The following MGST1 variants were observed in gnomAD, a reference collection of about 807,000 sequenced individuals.
The protein encoded by MGST1 is glutathione S-transferase 12.
In MGST1, 5 loss-of-function variants were observed where a neutral mutation model predicts 8.9. The observed-to-expected ratio is 0.56, with a 90% confidence interval of 0.29 to 1.19. MGST1 has a LOEUF of 1.19. Among genes scored for constraint, MGST1 ranks in the 50% most tolerant of loss-of-function variants. MGST1 has a pLI of 0.08. For missense variants in MGST1, 182 were observed against 187.4 expected (o/e 0.97, Z 0.17); for synonymous variants, 54 against 67.8 (o/e 0.80, Z 1.00).
chr12:16,457,204 T>TAATGCA (rs1326205821), intron 4 of MGST1, among the ~76,000 whole-genome samples: 20 of 151,994 alleles, frequency 1.3e-4, no homozygotes, highest in Admixed American at 5.9e-4. Context: ...TGCATACTTA[T>TAATGCA]TAAATATTTA....
chr12:16,360,334 C>G lies in MGST1; in HGVS notation c.221+2635C>G, dbSNP rs925178792. 4 of 984,776 alleles carry G rather than the reference C, an allele frequency of 4.1e-6. No homozygotes were observed. In the African/African-American group the frequency reaches 7.0e-5, roughly 17 times the overall value. The allele number at this position is 984,776 out of a possible 1,614,324, so 61.0% of individuals were successfully genotyped here. A position where few individuals can be genotyped will look rare whatever the true frequency, so the allele number is the denominator to read the frequency against. On this transcript the variant is annotated intron_variant, in intron 3 of 3. Transcript: ENST00000396210. Reference sequence around the variant, plus strand: ...AGCTGTTACGATTAGCATATTTGAACGGCAGAGCCAGAATGGGGCTACAAA... The same window carrying G: ...AGCTGTTACGATTAGCATATTTGAAGGGCAGAGCCAGAATGGGGCTACAAA...
intron 1 of MGST1, among the ~76,000 whole-genome samples, chr12:16,428,315 A>C (rs973033234): frequency 2.6e-5 from 4 of 151,910 alleles, no homozygotes; most frequent in Admixed American, 1.3e-4. Context: ...CAAATTGATC[A>C]CAGTGTTTTC....
At chr12:16,372,381 C>G (rs73064103) in intron 3 of MGST1, among the ~76,000 whole-genome samples, 1 of 151,920 alleles carries the variant, frequency 6.6e-6, no homozygotes, top group African/African-American at 2.4e-5. Flanking sequence ...TCTGAATAGA[C>G]GTTCTCAAAA....
At chr12:16,453,815 A>G (rs1941148830) in intron 4 of MGST1, among the ~76,000 whole-genome samples, 1 of 151,836 alleles carries the variant, frequency 6.6e-6, no homozygotes. Flanking sequence ...CTATCTACAA[A>G]TTCCCTCCTT....
downstream of MGST1, among the ~76,000 whole-genome samples, chr12:16,439,288 A>T (rs1941017996): frequency 6.6e-6 from 1 of 151,810 alleles, no homozygotes; most frequent in Non-Finnish European, 1.5e-5. Context: ...TAATTAATGT[A>T]ATATTGTTTT....
At chr12:16,420,513 A>G (rs1265493745) in intron 1 of MGST1, among the ~76,000 whole-genome samples, 1 of 152,154 alleles carries the variant, frequency 6.6e-6, no homozygotes, top group Non-Finnish European at 1.5e-5. Flanking sequence ...CAGGAGGTTT[A>G]TTGGCAAGTG....
At chr12:16,534,516 G>A (rs1367244193) in intron 4 of MGST1, among the ~76,000 whole-genome samples, 1 of 152,140 alleles carries the variant, frequency 6.6e-6, no homozygotes, top group Admixed American at 6.5e-5. Flanking sequence ...GATGGCACAT[G>A]AAACACGGGG....
At chr12:16,489,558 T>C (rs1203478712) in intron 4 of MGST1, among the ~76,000 whole-genome samples, 1 of 152,148 alleles carries the variant, frequency 6.6e-6, no homozygotes, top group Non-Finnish European at 1.5e-5. Flanking sequence ...GGGCAGAAAT[T>C]TTTTCTCCTT....
At chr12:16,509,038 A>G (rs1034891317) in intron 4 of MGST1, among the ~76,000 whole-genome samples, 11 of 152,182 alleles carry the variant, frequency 7.2e-5, no homozygotes, top group Non-Finnish European at 1.5e-4. Flanking sequence ...CTCATTAACC[A>G]TAGGACTTGA....
chr12:16,523,024 T>C lies in MGST1; in HGVS notation n.483-66504T>C, dbSNP rs541154289. 2.0e-5 allele frequency among the ~76,000 whole-genome samples: 3 copies of C among 152,168 alleles called. No homozygotes were observed. The East Asian group carries it at 5.8e-4, about 29-fold the overall frequency. Reference sequence around the variant, plus strand: ...TAATAAAATATGAAGTGGGCTTTTTTTTTTAGTTTGAAAGACATATGACAT... The same window carrying C: ...TAATAAAATATGAAGTGGGCTTTTTCTTTTAGTTTGAAAGACATATGACAT... On this transcript the variant is annotated intron_variant and non_coding_transcript_variant, in intron 4 of 4. Coordinates refer to the MGST1 transcript ENST00000538857.
At chr12:16,501,276 G>A (rs917950952) in intron 4 of MGST1, among the ~76,000 whole-genome samples, 3 of 151,854 alleles carry the variant, frequency 2.0e-5, no homozygotes, top group African/African-American at 7.3e-5. Flanking sequence ...AATTAAATTG[G>A]GCATAATTCA....
intron 4 of MGST1, among the ~76,000 whole-genome samples, chr12:16,538,799 G>A (rs868093692): frequency 6.6e-6 from 1 of 151,274 alleles, no homozygotes; most frequent in African/African-American, 2.4e-5. Flanking sequence ...TAGTAGAGAC[G>A]GGGTTTCACT....
At chr12:16,507,573 G>T (rs1389122027) in intron 4 of MGST1, among the ~76,000 whole-genome samples, 2 of 152,212 alleles carry the variant, frequency 1.3e-5, no homozygotes, top group East Asian at 3.9e-4. Context: ...GGTAATTTAT[G>T]AAGAAAAGAG....
intron 4 of MGST1, among the ~76,000 whole-genome samples, chr12:16,535,869 G>A (rs995142329): frequency 5.9e-5 from 9 of 152,136 alleles, no homozygotes; most frequent in African/African-American, 1.9e-4. Context: ...GATGAGAAAC[G>A]ATTTTGAGAT....
Position 16,513,740 on chromosome 12 carries a change from T to A in MGST1, n.483-75788T>A. On this transcript the variant is annotated intron_variant and non_coding_transcript_variant, in intron 4 of 4. Coordinates refer to the MGST1 transcript ENST00000538857. This position sits in a 1 kb window ranked among gnomAD's most constrained non-coding sequence, Gnocchi z 4.2. ...GTAGCCTTGGGCGAGAATAGCGAAGTCTCGAAAAGTGGCCGGTTTGTCACT... is the reference window on the plus strand; with the variant it reads ...GTAGCCTTGGGCGAGAATAGCGAAGACTCGAAAAGTGGCCGGTTTGTCACT... 1 of 572,864 alleles carries A rather than the reference T, an allele frequency of 1.7e-6. No homozygotes were observed. Among genetic ancestry groups the A allele is most frequent in the South Asian group, 1.4e-5 (1 of 71,444 alleles). 35.5% of individuals were successfully genotyped at this position (572,864 alleles called of 1,614,324 possible). A position where few individuals can be genotyped will look rare whatever the true frequency, so the allele number is the denominator to read the frequency against.
chr12:16,386,870 A>C (rs936033817), intron 1 of MGST1, among the ~76,000 whole-genome samples: 12 of 152,184 alleles, frequency 7.9e-5, no homozygotes, highest in Non-Finnish European at 1.5e-4. Flanking sequence ...TGGGATGTGA[A>C]TTATCTTTTT....
Position 16,401,720 on chromosome 12 carries a change from T to C in MGST1, n.778+18116T>C. 20 of 1,601,780 alleles carry C rather than the reference T, an allele frequency of 1.2e-5. No individual in the cohort carries two copies. Among genetic ancestry groups the C allele is most frequent in the Non-Finnish European group, 1.7e-5 (20 of 1,168,768 alleles). On this transcript the variant is annotated intron_variant and non_coding_transcript_variant, in intron 1 of 1. Transcript: ENST00000359720. This position sits in a 1 kb window ranked among gnomAD's most constrained non-coding sequence, Gnocchi z 4.3. ...AACACATTTCCACAGTAGAAGGGTC[T>C]GCCCCAGCAAGGTATTTTTTCTCTT...
chr12:16,364,507 C>A, downstream of MGST1: 1 of 521,172 alleles, frequency 1.9e-6, no homozygotes, highest in Non-Finnish European at 2.5e-6. The surrounding 1 kb of genome is among the most constrained non-coding windows in gnomAD (Gnocchi z 5.7). Context: ...CTGTACCCTG[C>A]TTAGAATCGC....
chr12:16,461,247 T>C (rs377762005), intron 4 of MGST1, among the ~76,000 whole-genome samples: 1 of 151,970 alleles, frequency 6.6e-6, no homozygotes, highest in South Asian at 2.1e-4. Context: ...AGGTTACTTA[T>C]GGCATTAAAG....
Sources: allele counts gnomAD v4.1 joint callset (sites outside exome capture counted in the v4.1 genomes callset), GRCh38; gene constraint gnomAD v4.1.1; non-coding constraint Gnocchi (gnomAD v3.1); transcripts MANE v1.5; gene names NCBI Gene and HGNC (gene_info 2026-07-23, HGNC 2026-07-21).